MYLK3: variants seen among roughly 807,000 people sequenced by gnomAD.
MYLK3 encodes MLC kinase.
A neutral mutation model predicts 76.3 loss-of-function variants in MYLK3; 55 were observed. The ratio of observed to expected loss-of-function variants is 0.72; its 90% CI spans 0.58 to 0.90. The LOEUF (loss-of-function observed/expected upper bound fraction) is 0.90. Among genes scored for constraint, MYLK3 ranks in the 40% least tolerant of loss-of-function variants. The pLI is 0.00. For missense variants in MYLK3, 973 were observed against 1,053.6 expected (o/e 0.92, Z 1.06); for synonymous variants, 416 against 425.4 (o/e 0.98, Z 0.27).
At position 46,747,761 on chromosome 16, in the gene MYLK3, G is replaced by T. The variant is rs778647098; in HGVS notation, c.433C>A (p.Arg145Ser). ...SKVADFLMQG[R>S]VPWRRGSPGD... ...GGGCTGCCTCTCCTCCAGGGCACAC[G>T]CCCCTGCATGAGGAAATCCGCCACC... The change falls in exon 1 of 13, where the codon CGT (arginine) becomes AGT (serine). Residue 145 changes from arginine to serine, a missense_variant. Around this residue, in one of 2 missense-constraint regions of MYLK3, gnomAD observed 641 missense variants for 637.0 expected, o/e 1.01. Coordinates refer to ENST00000394809, the MANE Select transcript of MYLK3 (RefSeq NM_182493.3). 2 of 1,614,140 alleles carry T rather than the reference G, an allele frequency of 1.2e-6. No individual in the cohort carries two copies. Among genetic ancestry groups the T allele is most frequent in the Non-Finnish European group, 1.7e-6 (2 of 1,180,030 alleles).
chr16:46,722,177 G>A (rs1428308158), intron 8 of MYLK3, among the ~76,000 whole-genome samples: 1 of 152,036 alleles, frequency 6.6e-6, no homozygotes, highest in Non-Finnish European at 1.5e-5. Context: ...GGGGGCTTGG[G>A]GAGAGAAGCT....
intron 2 of MYLK3, among the ~76,000 whole-genome samples, chr16:46,738,864 G>C (rs1966887921): frequency 6.6e-6 from 1 of 152,206 alleles, no homozygotes; most frequent in Non-Finnish European, 1.5e-5. Flanking sequence ...TTTTGAGACA[G>C]AGTCTTGCTC....
intron 1 of MYLK3, chr16:46,762,922 T>C (rs1309582654): frequency 1.1e-5 from 9 of 788,722 alleles, no homozygotes; most frequent in Non-Finnish European, 1.4e-5. Context: ...TGCTCATTTT[T>C]CTTGTCGTTT....
intron 2 of MYLK3, among the ~76,000 whole-genome samples, chr16:46,738,848 T>C (rs1319330159): frequency 6.6e-6 from 1 of 152,156 alleles, no homozygotes; most frequent in Non-Finnish European, 1.5e-5. Flanking sequence ...TTTATTTGTT[T>C]TTTATTTTTG....
At chr16:46,711,646 G>A (rs1367035108) in intron 10 of MYLK3, 1 of 442,090 alleles carries the variant, frequency 2.3e-6, no homozygotes, top group Non-Finnish European at 4.5e-6. Context: ...AAAGTGCTGG[G>A]ATTATAGGCA....
At chr16:46,730,036 C>G (rs1966849368) in intron 5 of MYLK3, 2 of 437,878 alleles carry the variant, frequency 4.6e-6, no homozygotes, top group Non-Finnish European at 8.4e-6. Flanking sequence ...CATCCTGCAC[C>G]CCAGGGAACA....
At chr16:46,761,421 G>A (rs1185075785) in intron 1 of MYLK3, among the ~76,000 whole-genome samples, 1 of 152,192 alleles carries the variant, frequency 6.6e-6, no homozygotes, top group Admixed American at 6.5e-5. Context: ...TACCTGGGGT[G>A]GGGGGATTGG....
intron 3 of MYLK3, among the ~76,000 whole-genome samples, chr16:46,733,332 G>C (rs1966856497): frequency 6.6e-6 from 1 of 152,200 alleles, no homozygotes; most frequent in Admixed American, 6.5e-5. Flanking sequence ...TCCAGCCTGG[G>C]CGACAGAGTG....
chr16:46,745,987 A>AT (rs925568976), intron 1 of MYLK3, among the ~76,000 whole-genome samples: 4 of 151,728 alleles, frequency 2.6e-5, no homozygotes, highest in Non-Finnish European at 4.4e-5. Context: ...ACTCTACATG[A>AT]TTTTTTTTAC....
chr16:46,743,153 G>A (rs1443721497), intron 1 of MYLK3, among the ~76,000 whole-genome samples: 1 of 152,202 alleles, frequency 6.6e-6, no homozygotes, highest in Non-Finnish European at 1.5e-5. Flanking sequence ...GCCTGGGGCT[G>A]TTTTCCAGGA....
intron 11 of MYLK3, among the ~76,000 whole-genome samples, chr16:46,709,966 AGCTAT>A (rs1462987083): frequency 6.6e-6 from 1 of 152,228 alleles, no homozygotes; most frequent in Non-Finnish European, 1.5e-5. Context: ...TAGGAAGGCT[AGCTAT>A]GCCTGGAATT....
intron 3 of MYLK3, among the ~76,000 whole-genome samples, chr16:46,733,235 G>T (rs989055069): frequency 6.6e-6 from 1 of 152,094 alleles, no homozygotes; most frequent in Non-Finnish European, 1.5e-5. Context: ...AGGAGTGGTG[G>T]TCCCAGATAC....
intron 3 of MYLK3, 127 bp from the exon 4 acceptor site, chr16:46,732,795 C>G: frequency 1.4e-6 from 1 of 736,872 alleles, no homozygotes. Flanking sequence ...GACAGGACAC[C>G]AGGGCAGGAG....
At chr16:46,736,067 G>A (rs537087201) in intron 3 of MYLK3, among the ~76,000 whole-genome samples, 42 of 152,262 alleles carry the variant, frequency 2.8e-4, no homozygotes, top group African/African-American at 9.6e-4. Context: ...GAGTGCAATG[G>A]TGTGATCATA....
intron 1 of MYLK3, among the ~76,000 whole-genome samples, chr16:46,757,094 A>G (rs1185088578): frequency 6.6e-6 from 1 of 152,160 alleles, no homozygotes; most frequent in Admixed American, 6.5e-5. Flanking sequence ...GGAAGTACAC[A>G]CATCTCCTCC....
intron 7 of MYLK3, among the ~76,000 whole-genome samples, 165 bp downstream of exon 7, chr16:46,728,859 C>T (rs907069988): frequency 1.3e-5 from 2 of 152,216 alleles, no homozygotes; most frequent in Admixed American, 6.5e-5. Flanking sequence ...CTCCACATTC[C>T]GTATTGGAGG....
At chr16:46,731,319 T>C (rs1966852113) in intron 4 of MYLK3, among the ~76,000 whole-genome samples, 1 of 152,174 alleles carries the variant, frequency 6.6e-6, no homozygotes, top group Non-Finnish European at 1.5e-5. Flanking sequence ...GGTTTGCTTG[T>C]TTGTTTGTTT....
rs745928501 is a variant in MYLK3 at position 46,709,559 on chromosome 16, T to C, written c.2380A>G (p.Ile794Val). ...LKSQLLLQKY[I>V]AQRKWKKHFY... Reference sequence around the variant, plus strand: ...AATACCTTCCATTTTCTTTGAGCTATGTATTTCTGCAGCAGTAGTTGGGAT... The same window carrying C: ...AATACCTTCCATTTTCTTTGAGCTACGTATTTCTGCAGCAGTAGTTGGGAT... The change falls in exon 12 of 13, where the codon ATA (isoleucine) becomes GTA (valine). Residue 794 changes from isoleucine to valine, a missense_variant. Physicochemically the swap from Ile to Val is conservative, Grantham distance 29. Transcript: ENST00000394809. 2.5e-6 allele frequency: 4 copies of C among 1,613,994 alleles called. No homozygotes were observed. The South Asian group carries it at 3.3e-5, about 13-fold the overall frequency.
In MYLK3 at chr16:46,727,389, A is replaced by C. The variant is rs971510278; in HGVS notation, c.1773-12T>G. ...CACCCCCGTCCACGCTGCCAGAGCA[A>C]AGGGAGAGGCAGGCACCAGCCTAAG... On this transcript the variant is annotated splice_polypyrimidine_tract_variant and intron_variant, in intron 7 of 12. Transcript: ENST00000394809. 2.5e-6 allele frequency: 4 copies of C among 1,599,594 alleles called. No homozygotes were observed. Among genetic ancestry groups the C allele is most frequent in the Non-Finnish European group, 3.4e-6 (4 of 1,168,918 alleles).
Sources: allele counts gnomAD v4.1 joint callset (sites outside exome capture counted in the v4.1 genomes callset), GRCh38; gene constraint gnomAD v4.1.1; regional missense constraint gnomAD v4.1.1; transcripts MANE v1.5; gene names NCBI Gene and HGNC (gene_info 2026-07-23, HGNC 2026-07-21).